USP43: variants seen among roughly 807,000 people sequenced by gnomAD.
The protein encoded by USP43 is ubiquitin carboxyl-terminal hydrolase 43.
USP43 carries 33 observed loss-of-function variants against 90.7 expected under a neutral mutation model. The ratio of observed to expected loss-of-function variants is 0.36; its 90% CI spans 0.28 to 0.49. The LOEUF (loss-of-function observed/expected upper bound fraction) is 0.49, where lower values mean the gene tolerates loss of function less well. USP43 is among the 20% of genes least tolerant of loss of function. The probability of loss-of-function intolerance (pLI) is 0.98; values close to 1 mark genes in which losing one functional copy is unlikely to be tolerated. For synonymous variants in USP43, 598 were observed against 615.8 expected (o/e 0.97, Z 0.43); for missense variants, 1,274 against 1,476.4 (o/e 0.86, Z 2.25).
chr17:9,712,265 T>A (rs964152518), intron 14 of USP43, 133 bp downstream of exon 14: 1 of 1,124,780 alleles, frequency 8.9e-7, no homozygotes, highest in Non-Finnish European at 1.2e-6. Context: ...TGTTCATCTC[T>A]TAAATGGGGT....
intron 6 of USP43, among the ~76,000 whole-genome samples, chr17:9,681,166 A>ATAG (rs1567660693): frequency 0.012 from 727 of 61,092 alleles, 89 homozygotes; most frequent in African/African-American, 0.08. Context: ...ATACTATATA[A>ATAG]TATATACTAT....
intron 14 of USP43, among the ~76,000 whole-genome samples, chr17:9,715,709 CTCTGTGTGTG>C (rs1359275645): frequency 4.0e-5 from 4 of 99,814 alleles, no homozygotes; most frequent in Non-Finnish European, 5.9e-5. Flanking sequence ...CTGTGTGTGT[CTCTGTGTGTG>C]TATGTGTGTG....
rs1915547395 is a variant in USP43 at position 9,701,201 on chromosome 17, T to C, written c.1618T>C (p.Cys540Arg). 6.3e-7 allele frequency: 1 copy of C among 1,595,588 alleles called. No homozygotes were observed. The highest frequency in any genetic ancestry group is 8.5e-7 in the Non-Finnish European group (1 of 1,170,460). The change falls in exon 11 of 15, where the codon TGT becomes CGT. Residue 540 changes from cysteine (C) to arginine (R), a missense_variant. Transcript: ENST00000285199. The surrounding 1 kb of genome is among the most constrained non-coding windows in gnomAD (Gnocchi z 7.2). The stretch of plus-strand genomic sequence containing the variant: ...GCAGCAGGCGCATCAGCAGCACAGC[T>C]GTACCTTGGATGAATGTTTTCAGTT... The part of the protein sequence containing the change: ...QQQQAHQQHS[C>R]TLDECFQFYT...
chr17:9,701,211 A>G lies in USP43; in HGVS notation c.1628A>G (p.Asp543Gly), dbSNP rs963065086. 3.1e-6 allele frequency: 5 copies of G among 1,601,534 alleles called. No individual in the cohort carries two copies. The African/African-American group carries it at 6.7e-5, about 21-fold the overall frequency. ...QAHQQHSCTL[D>G]ECFQFYTKEE... ...CATCAGCAGCACAGCTGTACCTTGG[A>G]TGAATGTTTTCAGTTCTACACCAAG... Residue 543 changes from aspartate (D) to glycine (G), a missense_variant, in exon 11 of 15, where the codon GAT (aspartate) becomes GGT (glycine). Asp to Gly is a moderately conservative substitution (Grantham distance 94). This residue lies in a region of USP43 where 253 missense variants were observed against 276.0 expected (regional missense o/e 0.92). Coordinates refer to ENST00000285199, the MANE Select transcript of USP43 (RefSeq NM_153210.5). This position sits in a 1 kb window ranked among gnomAD's most constrained non-coding sequence, Gnocchi z 7.2.
intron 6 of USP43, among the ~76,000 whole-genome samples, chr17:9,680,884 T>C (rs978876636): frequency 6.6e-6 from 1 of 150,942 alleles, no homozygotes; most frequent in Non-Finnish European, 1.5e-5. Context: ...TTCTTAATGC[T>C]TGCTTTTCCT....
intron 1 of USP43, among the ~76,000 whole-genome samples, chr17:9,649,576 T>C (rs1209755550): frequency 2.6e-5 from 4 of 151,590 alleles, no homozygotes; most frequent in Non-Finnish European, 4.4e-5. Context: ...CCCTTCCTTA[T>C]GTCCATGTGT....
intron 13 of USP43, among the ~76,000 whole-genome samples, chr17:9,710,714 G>T (rs765186461): frequency 6.6e-6 from 1 of 151,852 alleles, no homozygotes; most frequent in Non-Finnish European, 1.5e-5. Context: ...CACCATGTTG[G>T]CCAGGAGGAT....
At position 9,728,423 on chromosome 17, in the gene USP43, G is replaced by A; in HGVS notation, c.2805G>A (p.Val935=). The A allele has an allele frequency of 6.2e-7, 1 of 1,611,102 alleles. No homozygotes were observed. Among genetic ancestry groups the A allele is most frequent in the Non-Finnish European group, 8.5e-7 (1 of 1,178,670 alleles). Residue 935 remains valine (V), a synonymous_variant, in exon 15 of 15, where the codon GTG becomes GTA. Coordinates refer to ENST00000285199, the MANE Select transcript of USP43 (RefSeq NM_153210.5). The surrounding 1 kb of genome is among the most constrained non-coding windows in gnomAD (Gnocchi z 6.2). ...GAAAGTTTGACCTGCCTCTCACTGT[G>A]ATGCCTTCAGTGGAGCATGAGAAAC... ...LPRKFDLPLT[V]MPSVEHEKPA... is the part of the protein sequence containing the mutation.
chr17:9,711,841 T>C, intron 13 of USP43, 127 bp from the exon 14 acceptor site: 6 of 1,110,302 alleles, frequency 5.4e-6, no homozygotes, highest in Non-Finnish European at 7.2e-6. Context: ...TCTGCAGTTC[T>C]GTTCTGGTTC....
intron 12 of USP43, among the ~76,000 whole-genome samples, chr17:9,707,531 CA>C (rs1384726170): frequency 6.6e-6 from 1 of 151,084 alleles, no homozygotes; most frequent in Middle Eastern, 3.2e-3. Flanking sequence ...CCTGTAGTCC[CA>C]ACTACTCGGG....
chr17:9,720,090 C>A (rs546051720), intron 14 of USP43, among the ~76,000 whole-genome samples: 3 of 151,428 alleles, frequency 2.0e-5, no homozygotes, highest in Admixed American at 1.3e-4. Flanking sequence ...GACTAGGAAG[C>A]CGAGGCAGGC....
chr17:9,678,846 A>T (rs928669171), intron 5 of USP43, among the ~76,000 whole-genome samples: 1 of 151,792 alleles, frequency 6.6e-6, no homozygotes, highest in Non-Finnish European at 1.5e-5. Flanking sequence ...CTTCATGTAC[A>T]TGTCAATATG....
chr17:9,686,582 C>T lies in USP43; in HGVS notation c.1242-216C>T, dbSNP rs567584653. On this transcript the variant is annotated intron_variant, in intron 7 of 14. Coordinates refer to ENST00000285199, the MANE Select transcript of USP43 (RefSeq NM_153210.5). This position sits in a 1 kb window ranked among gnomAD's most constrained non-coding sequence, Gnocchi z 5.5. ...TGATGTTGGGCATTTTTTCATATGC[C>T]TGTTGGCTACGTGTGTCATTTTGAG... Among the ~76,000 whole-genome samples the T allele has an allele frequency of 6.6e-6, 1 of 152,226 alleles. No individual in the cohort carries two copies. The highest frequency in any genetic ancestry group is 2.4e-5 in the African/African-American group (1 of 41,542).
chr17:9,658,434 C>T (rs1057188449), intron 2 of USP43, among the ~76,000 whole-genome samples: 5 of 152,106 alleles, frequency 3.3e-5, no homozygotes, highest in South Asian at 2.1e-4. Context: ...CTTCTAAAGC[C>T]GCACAGCTAA....
intron 14 of USP43, among the ~76,000 whole-genome samples, chr17:9,726,643 C>A (rs1567687795): frequency 6.6e-6 from 1 of 152,178 alleles, no homozygotes; most frequent in Non-Finnish European, 1.5e-5. Context: ...AATTACCACC[C>A]AGCAGCATCA....
chr17:9,727,769 T>C (rs867061081), intron 14 of USP43, among the ~76,000 whole-genome samples, 185 bp from the exon 15 acceptor site: 2 of 152,160 alleles, frequency 1.3e-5, no homozygotes, highest in African/African-American at 4.8e-5. Flanking sequence ...AAGTGGATAT[T>C]GAGGAAGAGT....
intron 3 of USP43, 24 bp downstream of exon 3, chr17:9,666,775 T>C: frequency 1.9e-6 from 3 of 1,579,916 alleles, no homozygotes; most frequent in African/African-American, 1.3e-5. Flanking sequence ...GTGTTTAGAA[T>C]GTATCACCCG....
intron 14 of USP43, among the ~76,000 whole-genome samples, chr17:9,716,691 G>T (rs868605904): frequency 3.9e-5 from 6 of 152,098 alleles, no homozygotes; most frequent in African/African-American, 1.4e-4. Flanking sequence ...GAGAAATCTG[G>T]CCTGGTCATC....
intron 12 of USP43, among the ~76,000 whole-genome samples, chr17:9,703,699 T>C (rs758575900): frequency 6.6e-6 from 1 of 152,220 alleles, no homozygotes; most frequent in Non-Finnish European, 1.5e-5. Flanking sequence ...GGCCACTTGC[T>C]GTCATCGGTG....
Sources: gnomAD v4.1 joint callset for allele counts (sites outside exome capture counted in the v4.1 genomes callset) on GRCh38, gnomAD v4.1.1 for gene constraint, gnomAD v4.1.1 regional missense constraint, Gnocchi (gnomAD v3.1) non-coding constraint, MANE v1.5 for transcripts, NCBI Gene and HGNC (gene_info 2026-07-23, HGNC 2026-07-21) for gene names.